Variants in PPARG observed in about 807,000 individuals in gnomAD.
PPARG encodes the protein peroxisome proliferator-activated receptor gamma.
In PPARG, 17 loss-of-function variants were observed where a neutral mutation model predicts 39.2. That is an observed-to-expected ratio of 0.43 (90% confidence interval 0.30 to 0.65). PPARG has a LOEUF of 0.65. Among genes scored for constraint, PPARG ranks in the 30% least tolerant of loss-of-function variants. The pLI is 0.13. For synonymous variants in PPARG, 223 were observed against 215.7 expected, an observed-to-expected ratio of 1.03 and a Z score of -0.30; for missense variants, 406 against 585.9, an observed-to-expected ratio of 0.69 and a Z score of 3.17.
chr3:12,371,929 C>T, intron 2 of PPARG: 1 of 713,722 alleles, frequency 1.4e-6, no homozygotes, highest in Non-Finnish European at 2.6e-6. Flanking sequence ...TCAGTTTACA[C>T]TGCAGAGTGA....
chr3:12,403,153 C>T (rs569595640), intron 5 of PPARG, among the ~76,000 whole-genome samples: 19 of 151,650 alleles, frequency 1.3e-4, no homozygotes, highest in Admixed American at 8.5e-4. Flanking sequence ...ATTAGCCAGG[C>T]GTGGTGGCAC....
chr3:12,380,530 C>G (rs571907379), intron 3 of PPARG, among the ~76,000 whole-genome samples: 16 of 152,262 alleles, frequency 1.1e-4, no homozygotes, highest in African/African-American at 3.9e-4. Context: ...TTCTGTGATG[C>G]TATTTCCTTG....
chr3:12,353,920 G>A (rs1313971956), intron 2 of PPARG, among the ~76,000 whole-genome samples: 7 of 152,164 alleles, frequency 4.6e-5, no homozygotes, highest in African/African-American at 1.7e-4. Context: ...ACTTAGTCCT[G>A]TGTGAATTCT....
chr3:12,346,222 T>C (rs746172343), intron 2 of PPARG, among the ~76,000 whole-genome samples: 3 of 152,234 alleles, frequency 2.0e-5, no homozygotes, highest in Non-Finnish European at 4.4e-5. Context: ...TTGAGACTTT[T>C]AATTTATCAT....
intron 5 of PPARG, among the ~76,000 whole-genome samples, chr3:12,401,241 G>A (rs1490436794): frequency 1.3e-5 from 2 of 152,140 alleles, no homozygotes; most frequent in African/African-American, 4.8e-5. Context: ...TAAGGCTCAA[G>A]AATTACTTAA....
At chr3:12,379,427 C>G (rs2049540028) in intron 2 of PPARG, among the ~76,000 whole-genome samples, 1 of 152,166 alleles carries the variant, frequency 6.6e-6, no homozygotes, top group South Asian at 2.1e-4. Flanking sequence ...TTAATGAGAG[C>G]AGGCCTGTTG....
At chr3:12,398,492 G>A (rs1269039840) in intron 5 of PPARG, among the ~76,000 whole-genome samples, 2 of 152,186 alleles carry the variant, frequency 1.3e-5, no homozygotes, top group East Asian at 1.9e-4. Context: ...CAGCAACTAC[G>A]TATAGAGGAA....
At chr3:12,319,674 CT>C (rs879608353) in intron 2 of PPARG, among the ~76,000 whole-genome samples, 515 of 142,670 alleles carry the variant, frequency 3.6e-3, no homozygotes, top group Non-Finnish European at 3.7e-3. Context: ...TCAATTTTTA[CT>C]TTTTTTTTTT....
intron 2 of PPARG, among the ~76,000 whole-genome samples, chr3:12,323,214 T>A (rs1395517586): frequency 6.6e-6 from 1 of 152,152 alleles, no homozygotes; most frequent in Non-Finnish European, 1.5e-5. Flanking sequence ...AATGGAGGTA[T>A]TAAAAGAAAT....
intron 2 of PPARG, among the ~76,000 whole-genome samples, chr3:12,339,732 G>A (rs557546524): frequency 2.2e-4 from 34 of 152,308 alleles, no homozygotes; most frequent in Non-Finnish European, 4.3e-4. Context: ...CTGTAAAGAG[G>A]GTGTTAGTTT....
chr3:12,297,945 A>G (rs2046829273), intron 1 of PPARG: 2 of 152,098 alleles, frequency 1.3e-5, no homozygotes, highest in Admixed American at 1.3e-4. Flanking sequence ...AGAAAGGTAA[A>G]TTTCTGTTAC....
intron 2 of PPARG, among the ~76,000 whole-genome samples, chr3:12,328,857 C>G (rs2047768430): frequency 1.3e-5 from 2 of 152,248 alleles, no homozygotes; most frequent in Admixed American, 1.3e-4. Context: ...ATAGCAGTCC[C>G]TGGATGGCAG....
At chr3:12,392,542 C>T in intron 4 of PPARG, 72 bp from the exon 5 acceptor site, 1 of 1,555,144 alleles carries the variant, frequency 6.4e-7, no homozygotes. Flanking sequence ...GGCCAGTATA[C>T]CTTTCGCTGT....
At chr3:12,381,187 T>C (rs1045971347) in intron 3 of PPARG, 135 bp from the exon 4 acceptor site, 1 of 917,450 alleles carries the variant, frequency 1.1e-6, no homozygotes, top group African/African-American at 1.7e-5. Flanking sequence ...CTCCAGTGTT[T>C]TTTCATGTTC....
chr3:12,411,260 C>G (rs2050870475), intron 6 of PPARG, among the ~76,000 whole-genome samples: 1 of 151,964 alleles, frequency 6.6e-6, no homozygotes, highest in Non-Finnish European at 1.5e-5. Flanking sequence ...TGCTGAGTAA[C>G]TCTTTGGCTG....
intron 4 of PPARG, among the ~76,000 whole-genome samples, chr3:12,383,784 T>A (rs915954867): frequency 6.6e-6 from 1 of 152,182 alleles, no homozygotes; most frequent in East Asian, 1.9e-4. Context: ...TAGTTGGTTA[T>A]AGTGATAAAT....
intron 4 of PPARG, among the ~76,000 whole-genome samples, chr3:12,390,635 T>G (rs115613043): frequency 0.015 from 1,661 of 109,580 alleles, 52 homozygotes; most frequent in African/African-American, 0.063. Context: ...TGTATTTTCT[T>G]CCTTTTTTTT....
chr3:12,394,945 T>C (rs2050205532), intron 5 of PPARG, among the ~76,000 whole-genome samples: 1 of 152,200 alleles, frequency 6.6e-6, no homozygotes, highest in Non-Finnish European at 1.5e-5. Flanking sequence ...CAAGAAAACA[T>C]GAACGTCCCC....
At chr3:12,351,811 C>T in intron 2 of PPARG, 1 of 734,498 alleles carries the variant, frequency 1.4e-6, no homozygotes, top group Non-Finnish European at 2.4e-6. Context: ...TAATGCTTAG[C>T]TCGTTGCTAT....
Sources: gnomAD v4.1 joint callset for allele counts (sites outside exome capture counted in the v4.1 genomes callset) on GRCh38, gnomAD v4.1.1 for gene constraint, MANE v1.5 for transcripts, NCBI Gene and HGNC (gene_info 2026-07-23, HGNC 2026-07-21) for gene names.